LMO2: variants seen among roughly 807,000 people sequenced by gnomAD.
LMO2 encodes rhombotin-2.
LMO2 carries 20 observed loss-of-function variants against 23.2 expected under a neutral mutation model. That is an observed-to-expected ratio of 0.86 (90% CI 0.61 to 1.25). The LOEUF (loss-of-function observed/expected upper bound fraction) is 1.25, where lower values mean the gene tolerates loss of function less well. Ranked by LOEUF, LMO2 falls within the 50% of genes most tolerant of loss-of-function variation. The pLI is 0.00. For synonymous variants in LMO2, 123 were observed against 130.2 expected, an observed-to-expected ratio of 0.94 and a Z score of 0.38; for missense variants, 270 against 315.3, an observed-to-expected ratio of 0.86 and a Z score of 1.09.
chr11:33,869,645 CG>C, intron 3 of LMO2, 59 bp from the exon 4 acceptor site: 4 of 1,254,100 alleles, frequency 3.2e-6, no homozygotes, highest in East Asian at 7.2e-5. Context: ...GCGGCCGAGG[CG>C]GGGGCCGGGG....
chr11:33,878,004 C>T (rs544867077), intron 2 of LMO2, among the ~76,000 whole-genome samples: 1 of 152,310 alleles, frequency 6.6e-6, no homozygotes, highest in East Asian at 1.9e-4. Context: ...ACACCATGCT[C>T]AAGAATTTGC....
In LMO2 at chr11:33,869,775, C is replaced by G. The variant is rs1021133811; in HGVS notation, c.-59G>C. The stretch of plus-strand genomic sequence containing the variant: ...TCGCGCGCTGTCGCCGGCTCCGCGC[C>G]GCCCGCGGGGATGGTGTGCGCCCGC... On this transcript the variant is annotated 5_prime_UTR_variant, in exon 3 of 6. Transcript: ENST00000257818. 9.7e-5 allele frequency: 114 copies of G among 1,172,240 alleles called. No homozygotes were observed. Among genetic ancestry groups the G allele is most frequent in the Non-Finnish European group, 1.1e-4 (106 of 948,868 alleles). 72.6% of individuals were successfully genotyped at this position (1,172,240 alleles called of 1,614,324 possible).
chr11:33,864,281 C>T lies in LMO2; in HGVS notation c.464+321G>A, dbSNP rs1246492106. ...TCCCTCTGATCCTCCGTGTGTACTC[C>T]TCCTCAATCCCATCCCCTAGCTTCT... On this transcript the variant is annotated intron_variant, in intron 5 of 5. Transcript: ENST00000257818. This position sits in a 1 kb window ranked among gnomAD's most constrained non-coding sequence, Gnocchi z 4.8. Among the ~76,000 whole-genome samples, 1 of 152,164 alleles carries T rather than the reference C, an allele frequency of 6.6e-6. No homozygotes were observed. The highest frequency in any genetic ancestry group is 1.9e-4 in the East Asian group (1 of 5,202).
At chr11:33,867,646 G>A (rs1399709206) in intron 4 of LMO2, among the ~76,000 whole-genome samples, 2 of 152,150 alleles carry the variant, frequency 1.3e-5, no homozygotes, top group Non-Finnish European at 2.9e-5. Context: ...GTCCCTCTTT[G>A]ATCAGAATCT....
At position 33,860,984 on chromosome 11, in the gene LMO2, C is replaced by T. The variant is rs113998511; in HGVS notation, c.465-1409G>A. On this transcript the variant is annotated intron_variant, in intron 5 of 5. Coordinates refer to ENST00000257818, the MANE Select transcript of LMO2 (RefSeq NM_005574.4). The stretch of plus-strand genomic sequence containing the variant: ...CAGAGAAGACCCAGCTTCAATGTCC[C>T]GGACCAGCCCTGAGTGACCCTGGAG... Among the ~76,000 whole-genome samples the T allele has an allele frequency of 7.2e-3, 1,095 of 152,226 alleles. 20 individuals carry two copies. Among genetic ancestry groups the T allele is most frequent in the African/African-American group, 0.024 (1,000 of 41,530 alleles).
chr11:33,868,986 G>T (rs1272430691), intron 4 of LMO2, among the ~76,000 whole-genome samples: 1 of 152,254 alleles, frequency 6.6e-6, no homozygotes, highest in South Asian at 2.1e-4. Context: ...GAAGAAGGGA[G>T]CAGAGTCAAG....
At chr11:33,881,487 G>C (rs759727477) in intron 2 of LMO2, 2 of 436,710 alleles carry the variant, frequency 4.6e-6, no homozygotes, top group Admixed American at 4.8e-5. Context: ...GTTGGGAGAC[G>C]GGGCTGGCAC....
At chr11:33,867,266 T>C (rs536655688) in intron 4 of LMO2, among the ~76,000 whole-genome samples, 1 of 152,088 alleles carries the variant, frequency 6.6e-6, no homozygotes, top group East Asian at 1.9e-4. Flanking sequence ...TTGGAGATGC[T>C]GATTGTAATG....
At chr11:33,883,120 C>T (rs1277397971) in intron 1 of LMO2, among the ~76,000 whole-genome samples, 1 of 152,218 alleles carries the variant, frequency 6.6e-6, no homozygotes, top group African/African-American at 2.4e-5. Flanking sequence ...TATTGTCTTT[C>T]TTCTCCACTA....
At chr11:33,884,920 G>A (rs554008361) in intron 1 of LMO2, among the ~76,000 whole-genome samples, 8 of 152,214 alleles carry the variant, frequency 5.3e-5, no homozygotes, top group Non-Finnish European at 7.4e-5. Flanking sequence ...TTTGTGTTAC[G>A]TGGGCTGATA....
chr11:33,869,280 C>G, intron 4 of LMO2, 66 bp downstream of exon 4: 1 of 1,110,066 alleles, frequency 9.0e-7, no homozygotes, highest in Non-Finnish European at 1.1e-6. Context: ...GCCCGGGTCC[C>G]CCCGACGCTC....
intron 2 of LMO2, among the ~76,000 whole-genome samples, chr11:33,877,904 T>C (rs920426388): frequency 6.6e-6 from 1 of 152,124 alleles, no homozygotes; most frequent in Non-Finnish European, 1.5e-5. Flanking sequence ...GCTTGTTTTT[T>C]CTGCCAGTTT....
chr11:33,860,738 C>A (rs989323804), intron 5 of LMO2, among the ~76,000 whole-genome samples: 1 of 152,124 alleles, frequency 6.6e-6, no homozygotes, highest in Non-Finnish European at 1.5e-5. Flanking sequence ...CCACTGCACT[C>A]CAGCCTGGGC....
intron 2 of LMO2, among the ~76,000 whole-genome samples, chr11:33,872,654 AC>A (rs1857052041): frequency 6.6e-6 from 1 of 152,150 alleles, no homozygotes; most frequent in South Asian, 2.1e-4. Flanking sequence ...GGATTCCTTC[AC>A]CTCACCCCCT....
chr11:33,889,275 C>T (rs912427263), intron 1 of LMO2, among the ~76,000 whole-genome samples: 22 of 152,262 alleles, frequency 1.4e-4, no homozygotes, highest in Non-Finnish European at 2.1e-4. Flanking sequence ...TTGAGGAGCT[C>T]ACCAACTAGG....
intron 2 of LMO2, among the ~76,000 whole-genome samples, chr11:33,879,515 T>C (rs1370280482): frequency 6.6e-6 from 1 of 150,818 alleles, no homozygotes; most frequent in Admixed American, 6.6e-5. Flanking sequence ...GTAATCGCAG[T>C]TACTCAGGAG....
Position 33,864,949 on chromosome 11 carries a change from A to C in LMO2, c.249-132T>G, listed in dbSNP as rs1426589189. The stretch of plus-strand genomic sequence containing the variant: ...AGTGACCTAAGGGAGAAGGGACAGG[A>C]CAACACATCCCTTGGCCAGACTGCA... On this transcript the variant is annotated intron_variant, in intron 4 of 5. Transcript: ENST00000257818. This position sits in a 1 kb window ranked among gnomAD's most constrained non-coding sequence, Gnocchi z 4.8. 1 of 796,794 alleles carries C rather than the reference A, an allele frequency of 1.3e-6. No individual in the cohort carries two copies. The highest frequency in any genetic ancestry group is 2.0e-5 in the Admixed American group (1 of 50,554). The allele number at this position is 796,794 out of a possible 1,614,324, so 49.4% of individuals were successfully genotyped here.
At chr11:33,878,025 T>A (rs1337106254) in intron 2 of LMO2, among the ~76,000 whole-genome samples, 1 of 152,222 alleles carries the variant, frequency 6.6e-6, no homozygotes, top group African/African-American at 2.4e-5. Context: ...AATAGTTCCC[T>A]ATCGTCCATG....
chr11:33,861,128 C>T (rs1192615361), intron 5 of LMO2, among the ~76,000 whole-genome samples: 1 of 152,244 alleles, frequency 6.6e-6, no homozygotes, highest in African/African-American at 2.4e-5. Flanking sequence ...GCTAAGCCAA[C>T]GCTGGTTATG....
Sources: allele counts gnomAD v4.1 joint callset (sites outside exome capture counted in the v4.1 genomes callset), GRCh38; gene constraint gnomAD v4.1.1; non-coding constraint Gnocchi (gnomAD v3.1); transcripts MANE v1.5; gene names NCBI Gene and HGNC (gene_info 2026-07-23, HGNC 2026-07-21).